The following SH3BP4 variants were observed in gnomAD, a reference collection of about 807,000 sequenced individuals.
SH3BP4 encodes SH3 domain-binding protein 4.
In SH3BP4, 33 loss-of-function variants were observed where a neutral mutation model predicts 65.5. That is an observed-to-expected ratio of 0.50 (90% CI 0.38 to 0.67). The LOEUF (loss-of-function observed/expected upper bound fraction) is 0.67, where lower values mean the gene tolerates loss of function less well. Among genes scored for constraint, SH3BP4 ranks in the 30% least tolerant of loss-of-function variants. The pLI is 0.00. For synonymous variants in SH3BP4, 552 were observed against 545.5 expected (o/e 1.01, Z -0.17); for missense variants, 1,134 against 1,261.4 (o/e 0.90, Z 1.53).
chr2:235,034,230 T>C lies in SH3BP4; in HGVS notation c.-132-641T>C, dbSNP rs1211004825. ...CTTCCACGGAAAGATCTTTCCTGCTTAGTAACAGTGGTTCAGTAAATATGC... is the reference window on the plus strand; with the variant it reads ...CTTCCACGGAAAGATCTTTCCTGCTCAGTAACAGTGGTTCAGTAAATATGC... On this transcript the variant is annotated intron_variant, in intron 2 of 5. Transcript: ENST00000392011. The surrounding 1 kb of genome is among the most constrained non-coding windows in gnomAD (Gnocchi z 6.2). Among the ~76,000 whole-genome samples the C allele has an allele frequency of 6.6e-6, 1 of 152,198 alleles. No individual in the cohort carries two copies. Among genetic ancestry groups the C allele is most frequent in the African/African-American group, 2.4e-5 (1 of 41,444 alleles).
chr2:235,010,877 C>G (rs1206258512), intron 2 of SH3BP4, among the ~76,000 whole-genome samples: 1 of 132,262 alleles, frequency 7.6e-6, no homozygotes, highest in Non-Finnish European at 1.7e-5. Flanking sequence ...AACCTTCCTC[C>G]CTCTTCTAGA....
chr2:235,001,964 G>C (rs922083414), intron 2 of SH3BP4, among the ~76,000 whole-genome samples: 4 of 152,246 alleles, frequency 2.6e-5, no homozygotes, highest in African/African-American at 9.6e-5. Flanking sequence ...GGGTTCAAGT[G>C]ATTCTCCTGC....
chr2:235,027,926 G>T (rs528888442), intron 2 of SH3BP4, among the ~76,000 whole-genome samples: 1 of 152,298 alleles, frequency 6.6e-6, no homozygotes, highest in South Asian at 2.1e-4. Context: ...GCCACAGGGA[G>T]AATATTCTGT....
chr2:235,043,190 G>A lies in SH3BP4; in HGVS notation c.2421G>A (p.Glu807=), dbSNP rs748942159. ...RVASVLEKLK[E]DCNNTENKER... ...CGTCCGTCCTAGAAAAGCTGAAGGA[G>A]GACTGTAACAACACTGAGAACAAAG... Residue 807 remains glutamate, a synonymous_variant, in exon 4 of 6, where the codon GAG becomes GAA. Coordinates refer to ENST00000392011, the MANE Select transcript of SH3BP4 (RefSeq NM_014521.3). 1 of 1,607,374 alleles carries A rather than the reference G, an allele frequency of 6.2e-7. No individual in the cohort carries two copies. The highest frequency in any genetic ancestry group is 2.2e-5 in the East Asian group (1 of 44,736).
chr2:235,015,150 G>T (rs1051572630), intron 2 of SH3BP4, among the ~76,000 whole-genome samples: 1 of 152,202 alleles, frequency 6.6e-6, no homozygotes, highest in African/African-American at 2.4e-5. Flanking sequence ...AGTTAATAAA[G>T]AAATCATACT....
At chr2:235,044,347 G>A (rs1270465069) in intron 4 of SH3BP4, among the ~76,000 whole-genome samples, 2 of 152,238 alleles carry the variant, frequency 1.3e-5, no homozygotes, top group Admixed American at 1.3e-4. Flanking sequence ...TCTTAGCACT[G>A]CTCCCCGCAG....
rs184246547 is a variant in SH3BP4 at position 234,965,228 on chromosome 2, T to C, written c.-207+13058T>C. Among the ~76,000 whole-genome samples, 15 of 152,312 alleles carry C rather than the reference T, an allele frequency of 9.8e-5. No homozygotes were observed. The East Asian group carries it at 2.5e-3, about 25-fold the overall frequency. ...AGGAGACTGTCCAGTGAAAACCACA[T>C]GAGAGGCACCCAGCATCAATGCACC... On this transcript the variant is annotated intron_variant, in intron 1 of 5. Transcript: ENST00000392011.
chr2:234,980,867 T>A (rs6752865), intron 1 of SH3BP4, among the ~76,000 whole-genome samples: 51 of 152,304 alleles, frequency 3.3e-4, no homozygotes, highest in African/African-American at 1.1e-3. Context: ...TGCCCGTTTT[T>A]CTTACTGAAT....
chr2:235,010,284 GT>G (rs1254764589), intron 2 of SH3BP4, among the ~76,000 whole-genome samples: 1 of 152,160 alleles, frequency 6.6e-6, no homozygotes. Context: ...TTCATCTCCA[GT>G]TGCCTGTCTG....
intron 2 of SH3BP4, among the ~76,000 whole-genome samples, chr2:235,011,735 ACT>A (rs1466238095): frequency 1.3e-5 from 2 of 152,196 alleles, no homozygotes; most frequent in African/African-American, 4.8e-5. Flanking sequence ...AGTTCTGATA[ACT>A]CTCTGTTTGT....
At chr2:234,981,923 C>A in intron 1 of SH3BP4, among the ~76,000 whole-genome samples, 1 of 152,166 alleles carries the variant, frequency 6.6e-6, no homozygotes, top group East Asian at 1.9e-4. Flanking sequence ...TCTTTGTAAG[C>A]TCGGCTGCCA....
Position 235,042,438 on chromosome 2 carries a change from A to C in SH3BP4, c.1669A>C (p.Lys557Gln), listed in dbSNP as rs1254934378. 3.1e-6 allele frequency: 5 copies of C among 1,614,148 alleles called. No individual in the cohort carries two copies. The African/African-American group carries it at 6.7e-5, about 22-fold the overall frequency. ...CGAGGTCAAAGCCAGCGAGCAGGCC[A>C]AAGTGGTGCGAGGATTCCAGCTGAA... is the stretch of plus-strand genomic sequence containing the variant. Reference protein sequence around the residue: ...NYEVKASEQAKVVRGFQLKLG... With the variant: ...NYEVKASEQAQVVRGFQLKLG... The change falls in exon 4 of 6, where the codon AAA becomes CAA. Residue 557 changes from lysine (K) to glutamine (Q), a missense_variant. Lys to Gln is a moderately conservative substitution (Grantham distance 53, BLOSUM62 1). Coordinates refer to ENST00000392011, the MANE Select transcript of SH3BP4 (RefSeq NM_014521.3). The surrounding 1 kb of genome is among the most constrained non-coding windows in gnomAD (Gnocchi z 7.3).
chr2:234,977,015 C>T lies in SH3BP4; in HGVS notation c.-206-18288C>T, dbSNP rs1049602488. On this transcript the variant is annotated intron_variant, in intron 1 of 5. Transcript: ENST00000392011. The surrounding 1 kb of genome is among the most constrained non-coding windows in gnomAD (Gnocchi z 5.1). Reference sequence around the variant, plus strand: ...ACATCCATTGTGACAAAGGTGCCGTCCTCCTGTAAGACACTCACAGGGAAG... The same window carrying T: ...ACATCCATTGTGACAAAGGTGCCGTTCTCCTGTAAGACACTCACAGGGAAG... Among the ~76,000 whole-genome samples, 11 of 152,252 alleles carry T rather than the reference C, an allele frequency of 7.2e-5. No individual in the cohort carries two copies. The highest frequency in any genetic ancestry group is 2.4e-4 in the African/African-American group (10 of 41,476).
rs370964162 is a variant in SH3BP4 at position 235,024,892 on chromosome 2, G to A, written c.-132-9979G>A. On this transcript the variant is annotated intron_variant, in intron 2 of 5. Transcript: ENST00000392011. ...CGAAGCTTTGCGGTCTTAAGTGGCA[G>A]GTGGGAGCCGGGAGTCTGAGTACAA... is the stretch of plus-strand genomic sequence containing the variant. 9.2e-5 allele frequency among the ~76,000 whole-genome samples: 14 copies of A among 152,248 alleles called. No individual in the cohort carries two copies. The East Asian group carries it at 2.7e-3, about 30-fold the overall frequency.
At chr2:235,051,974 C>T (rs909985752) in intron 4 of SH3BP4, among the ~76,000 whole-genome samples, 2 of 152,164 alleles carry the variant, frequency 1.3e-5, no homozygotes, top group African/African-American at 4.8e-5. Context: ...TGACCACAAA[C>T]CAAGGGACAT....
chr2:234,990,126 C>T (rs1031684829), intron 1 of SH3BP4, among the ~76,000 whole-genome samples: 1 of 152,232 alleles, frequency 6.6e-6, no homozygotes, highest in Non-Finnish European at 1.5e-5. Context: ...CAAGATATCT[C>T]ATTGTGTATG....
chr2:235,018,285 G>A (rs1454288961), intron 2 of SH3BP4, among the ~76,000 whole-genome samples: 3 of 152,086 alleles, frequency 2.0e-5, no homozygotes, highest in African/African-American at 7.3e-5. Context: ...ATTGGGCAGG[G>A]GGCTTGGTAG....
intron 2 of SH3BP4, among the ~76,000 whole-genome samples, chr2:235,010,814 C>A (rs28545260): frequency 1.8e-5 from 1 of 54,952 alleles, no homozygotes; most frequent in East Asian, 7.3e-4. Flanking sequence ...CCTCCCTCTT[C>A]TAGAACCCTT....
At chr2:234,983,499 T>C (rs564576600) in intron 1 of SH3BP4, among the ~76,000 whole-genome samples, 14 of 152,306 alleles carry the variant, frequency 9.2e-5, no homozygotes, top group African/African-American at 3.1e-4. Context: ...AATGGTGTGC[T>C]TGTGTTTTTG....
Sources: gnomAD v4.1 joint callset for allele counts (sites outside exome capture counted in the v4.1 genomes callset) on GRCh38, gnomAD v4.1.1 for gene constraint, Gnocchi (gnomAD v3.1) non-coding constraint, MANE v1.5 for transcripts, NCBI Gene and HGNC (gene_info 2026-07-23, HGNC 2026-07-21) for gene names.